The following SQSTM1 variants were observed in gnomAD, a reference collection of about 807,000 sequenced individuals.
SQSTM1 encodes sequestosome 1.
SQSTM1 carries 36 observed loss-of-function variants against 45.1 expected under a neutral mutation model. The ratio of observed to expected loss-of-function variants is 0.80; its 90% CI spans 0.61 to 1.05. The LOEUF is 1.05. SQSTM1 is among the 50% of genes least tolerant of loss of function. The pLI is 0.00. For missense variants in SQSTM1, 617 were observed against 607.1 expected, an observed-to-expected ratio of 1.02 and a Z score of -0.17; for synonymous variants, 290 against 244.3, an observed-to-expected ratio of 1.19 and a Z score of -1.74.
At chr5:179,834,573 T>TTTGTGTCCC (rs1758422436) in intron 7 of SQSTM1, among the ~76,000 whole-genome samples, 1 of 151,634 alleles carries the variant, frequency 6.6e-6, no homozygotes, top group South Asian at 2.1e-4. Flanking sequence ...TTCCGCAGCG[T>TTTGTGTCCC]TTGTGTCCCT....
In SQSTM1 at chr5:179,833,701, G is replaced by A. The variant is rs535932454; in HGVS notation, c.1084G>A (p.Glu362Lys). 1.8e-5 allele frequency: 29 copies of A among 1,614,136 alleles called. No homozygotes were observed. Among genetic ancestry groups the A allele is most frequent in the Middle Eastern group, 1.6e-4 (1 of 6,062 alleles). The change falls in exon 7 of 8, where the codon GAA becomes AAA. Residue 362 changes from glutamate (E) to lysine (K), a missense_variant. Physicochemically the swap from Glu to Lys is moderately conservative, Grantham distance 56. Transcript: ENST00000389805. The stretch of plus-strand genomic sequence containing the variant: ...CCAGTCCCTACAGATGCCAGAATCC[G>A]AAGGGCCAAGCTCTCTGGACCCCTC... ...ELQSLQMPES[E>K]GPSSLDPSQE...
At chr5:179,836,373 T>G (rs200513261) in intron 7 of SQSTM1, 63 bp from the exon 8 acceptor site, 13 of 1,610,990 alleles carry the variant, frequency 8.1e-6, no homozygotes, top group Admixed American at 1.7e-5. Context: ...CAGCAGGGTA[T>G]GTGTTTCGGG....
chr5:179,817,133 C>G (rs1295636990), upstream of SQSTM1, among the ~76,000 whole-genome samples: 2 of 148,828 alleles, frequency 1.3e-5, no homozygotes, highest in African/African-American at 2.4e-5. Flanking sequence ...GGCGTCGCCG[C>G]TCGGGTGGGG....
rs1469122826 is a variant in SQSTM1 at position 179,837,935 on chromosome 5, C to G, written c.*1342C>G. 2 of 1,549,388 alleles carry G rather than the reference C, an allele frequency of 1.3e-6. No individual in the cohort carries two copies. The highest frequency in any genetic ancestry group is 1.7e-6 in the Non-Finnish European group (2 of 1,147,980). ...TCCATGTGTAAGAACAATGCCAGGG[C>G]CCAGGAGGACCGCCTGCCCTGCCTG... On this transcript the variant is annotated 3_prime_UTR_variant, in exon 8 of 8. Transcript: ENST00000389805.
In SQSTM1 at chr5:179,837,266, T is replaced by C. The variant is rs1758618500; in HGVS notation, c.*673T>C. On this transcript the variant is annotated 3_prime_UTR_variant, in exon 8 of 8. Coordinates refer to ENST00000389805, the MANE Select transcript of SQSTM1 (RefSeq NM_003900.5). The stretch of plus-strand genomic sequence containing the variant: ...AGCACTTTAACCAATGACGTTTGCA[T>C]AGAGAGAAATGATTGACAGTAAGTT... The C allele has an allele frequency of 2.6e-5, 42 of 1,605,766 alleles. No individual in the cohort carries two copies. The highest frequency in any genetic ancestry group is 3.5e-5 in the Non-Finnish European group (41 of 1,179,092).
chr5:179,831,152 G>A (rs1582017881), intron 5 of SQSTM1, among the ~76,000 whole-genome samples: 1 of 152,296 alleles, frequency 6.6e-6, no homozygotes, highest in South Asian at 2.1e-4. Flanking sequence ...AGGAAACGGG[G>A]GACCTAACAG....
intron 1 of SQSTM1, chr5:179,822,519 C>T (rs897340785): frequency 1.6e-4 from 46 of 279,626 alleles, no homozygotes; most frequent in Non-Finnish European, 2.8e-4. Flanking sequence ...CCCTTGTCTT[C>T]TCCTTTACTC....
intron 1 of SQSTM1, chr5:179,821,687 C>T (rs1241724456): frequency 2.7e-6 from 1 of 366,994 alleles, no homozygotes; most frequent in Non-Finnish European, 5.4e-6. Context: ...CACGGATCGC[C>T]GGCGGAACGC....
intron 5 of SQSTM1, among the ~76,000 whole-genome samples, chr5:179,827,326 G>A (rs1758035380): frequency 6.6e-6 from 1 of 152,156 alleles, no homozygotes; most frequent in African/African-American, 2.4e-5. Context: ...TTCTGAGACG[G>A]AGTCTCGCTC....
chr5:179,829,977 T>C (rs1758145195), intron 5 of SQSTM1, among the ~76,000 whole-genome samples: 1 of 151,720 alleles, frequency 6.6e-6, no homozygotes, highest in Non-Finnish European at 1.5e-5. Flanking sequence ...AGGCATGGAG[T>C]TGTGTACTTA....
Position 179,823,763 on chromosome 5 carries a change from G to A in SQSTM1, c.302-95G>A, listed in dbSNP as rs921300728. On this transcript the variant is annotated intron_variant, in intron 2 of 7. Coordinates refer to ENST00000389805, the MANE Select transcript of SQSTM1 (RefSeq NM_003900.5). ...GGATTCCATGCTGGAGAGCAGGGCC[G>A]GGGGCCTTGCTGGCAGTGACAGCCC... 36 of 1,348,158 alleles carry A rather than the reference G, an allele frequency of 2.7e-5. No homozygotes were observed. The East Asian group carries it at 3.7e-4, about 14-fold the overall frequency. 83.5% of individuals were successfully genotyped at this position (1,348,158 alleles called of 1,614,324 possible). A position where few individuals can be genotyped will look rare whatever the true frequency, so the allele number is the denominator to read the frequency against.
At chr5:179,825,087 C>CTG in intron 4 of SQSTM1, 59 bp from the exon 5 acceptor site, 1 of 1,554,336 alleles carries the variant, frequency 6.4e-7, no homozygotes, top group Admixed American at 1.7e-5. Flanking sequence ...GGTGACAGGA[C>CTG]TGTGACAGGT....
chr5:179,829,065 A>G (rs560525815), intron 5 of SQSTM1, among the ~76,000 whole-genome samples: 91 of 152,356 alleles, frequency 6.0e-4, no homozygotes, highest in African/African-American at 2.1e-3. Context: ...AGGGAGTGTC[A>G]GCTAGAGACT....
chr5:179,827,201 TG>T (rs1218237362), intron 5 of SQSTM1, among the ~76,000 whole-genome samples: 10 of 111,226 alleles, frequency 9.0e-5, no homozygotes, highest in African/African-American at 2.7e-4. Flanking sequence ...CCCAGGTGCT[TG>T]GGGTCACACT....
rs895661258 is a variant in SQSTM1, at chr5:179,823,583, C to T, written c.302-275C>T. 7.8e-6 allele frequency: 4 copies of T among 512,166 alleles called. No individual in the cohort carries two copies. In the Admixed American group the frequency reaches 9.8e-5, roughly 13 times the overall value. 31.7% of individuals were successfully genotyped at this position (512,166 alleles called of 1,614,324 possible). On this transcript the variant is annotated intron_variant, in intron 2 of 7. Transcript: ENST00000389805. ...CTTGGGTTAGGGATGGGGTCTGGTGCCGTGGCGCTTGGGTGAAGGGCAAGG... is the reference window on the plus strand; with the variant it reads ...CTTGGGTTAGGGATGGGGTCTGGTGTCGTGGCGCTTGGGTGAAGGGCAAGG...
At chr5:179,828,179 T>C (rs1758073264) in intron 5 of SQSTM1, among the ~76,000 whole-genome samples, 1 of 152,196 alleles carries the variant, frequency 6.6e-6, no homozygotes, top group African/African-American at 2.4e-5. Context: ...AAGTAGCCTG[T>C]CCAGTCTTAC....
intron 5 of SQSTM1, among the ~76,000 whole-genome samples, chr5:179,830,598 G>A (rs143653221): frequency 4.3e-4 from 65 of 150,156 alleles, no homozygotes; most frequent in Non-Finnish European, 7.2e-4. Flanking sequence ...TCTCGCTGTC[G>A]CCCAGGCTGG....
intron 5 of SQSTM1, among the ~76,000 whole-genome samples, chr5:179,832,823 C>T (rs1211116188): frequency 6.6e-6 from 1 of 152,022 alleles, no homozygotes; most frequent in African/African-American, 2.4e-5. Context: ...TCGTCTGGTC[C>T]CATACTGGCT....
upstream of SQSTM1, chr5:179,820,553 G>T: frequency 5.3e-6 from 1 of 188,372 alleles, no homozygotes; most frequent in Non-Finnish European, 1.1e-5. Flanking sequence ...TGAGGATATT[G>T]CTGAGTCATG....
Sources: allele counts gnomAD v4.1 joint callset (sites outside exome capture counted in the v4.1 genomes callset), GRCh38; gene constraint gnomAD v4.1.1; transcripts MANE v1.5; gene names NCBI Gene and HGNC (gene_info 2026-07-23, HGNC 2026-07-21).